CUBN: variants seen among roughly 807,000 people sequenced by gnomAD.
CUBN encodes cubilin.
CUBN carries 282 observed loss-of-function variants against 405.3 expected under a neutral mutation model. The observed-to-expected ratio is 0.70, with a 90% CI of 0.63 to 0.77. The LOEUF is 0.77. CUBN is among the 30% of genes least tolerant of loss of function. CUBN has a pLI of 0.00. For missense variants in CUBN, 4,514 were observed against 4,475.2 expected, an observed-to-expected ratio of 1.01 and a Z score of -0.25; for synonymous variants, 1,684 against 1,617.0, an observed-to-expected ratio of 1.04 and a Z score of -0.99.
In CUBN at chr10:16,869,824, G is replaced by T. The variant is rs1484603511; in HGVS notation, c.9266C>A (p.Thr3089Asn). ...TGCCAGGTAGTCATGGGAGCAGGAG[G>T]TGGAGGGAACCACATCAAAATCACT... ...KFSDFDVVPSTSCSHDYLAIY... is the reference protein window; with the variant it reads ...KFSDFDVVPSNSCSHDYLAIY... The change falls in exon 59 of 67, where the codon ACC becomes AAC. Residue 3089 changes from threonine to asparagine, a missense_variant. By Grantham distance (65) the Thr-to-Asn change is moderately conservative. Around this residue, in one of 5 missense-constraint regions of CUBN, gnomAD observed 1,186 missense variants for 1,186.9 expected, o/e 1.00. Transcript: ENST00000377833. 2 of 1,613,700 alleles carry T rather than the reference G, an allele frequency of 1.2e-6. No individual in the cohort carries two copies. The highest frequency in any genetic ancestry group is 2.7e-5 in the African/African-American group (2 of 74,910).
At chr10:16,967,822 G>GGA (rs201131222) in intron 31 of CUBN, among the ~76,000 whole-genome samples, 13,361 of 137,188 alleles carry the variant, frequency 0.097, 885 homozygotes, top group African/African-American at 0.18. Flanking sequence ...AGAGACAGAG[G>GGA]GAGAGAGAGA....
In CUBN at chr10:16,982,541, A is replaced by G. The variant is rs1455799169; in HGVS notation, c.4638T>C (p.His1546=). ...AGTCAGTGAAGTTCAAGAGAACACG[A>G]TGATTTCTGTCAACCCGAATGACCC... ...CSWVIRVDRN[H]RVLLNFTDFD... The change falls in exon 31 of 67, where the codon CAT becomes CAC. Residue 1546 remains histidine (H), a synonymous_variant. Transcript: ENST00000377833. 6.2e-7 allele frequency: 1 copy of G among 1,613,940 alleles called. No individual in the cohort carries two copies. Among genetic ancestry groups the G allele is most frequent in the Non-Finnish European group, 8.5e-7 (1 of 1,179,830 alleles).
At chr10:16,891,910 T>C (rs1841024952) in intron 54 of CUBN, among the ~76,000 whole-genome samples, 1 of 152,118 alleles carries the variant, frequency 6.6e-6, no homozygotes, top group Non-Finnish European at 1.5e-5. Context: ...CAATATGCCC[T>C]TTCTATCAAC....
chr10:17,095,894 A>T (rs1907363), intron 14 of CUBN, among the ~76,000 whole-genome samples: 132,995 of 152,064 alleles, frequency 0.87, 58,299 homozygotes, highest in Middle Eastern at 0.95. Flanking sequence ...ATAAAGAAAA[A>T]GTGCAATATA....
At chr10:16,874,295 C>G (rs1481323946) in intron 58 of CUBN, 79 bp downstream of exon 58, 1 of 1,422,760 alleles carries the variant, frequency 7.0e-7, no homozygotes, top group African/African-American at 1.4e-5. Context: ...GAATCAGTGC[C>G]CTCCATCAAT....
intron 28 of CUBN, among the ~76,000 whole-genome samples, chr10:16,997,428 C>T (rs184193226): frequency 0.026 from 3,026 of 118,100 alleles, 108 homozygotes; most frequent in East Asian, 0.2. Flanking sequence ...AGTGAGACTC[C>T]ATCTAAAAAA....
Position 17,045,108 on chromosome 10 carries a change from A to G in CUBN, c.3571T>C (p.Cys1191Arg). 1 of 1,614,056 alleles carries G rather than the reference A, an allele frequency of 6.2e-7. No homozygotes were observed. Among genetic ancestry groups the G allele is most frequent in the Non-Finnish European group, 8.5e-7 (1 of 1,179,988 alleles). The change falls in exon 25 of 67, where the codon TGC (cysteine) becomes CGC (arginine). Residue 1191 changes from cysteine to arginine, a missense_variant. Physicochemically the swap from Cys to Arg is radical, Grantham distance 180. This residue lies in a region of CUBN where 242 missense variants were observed against 309.0 expected (regional missense o/e 0.78). Coordinates refer to ENST00000377833, the MANE Select transcript of CUBN (RefSeq NM_001081.4). Reference protein sequence around the residue: ...YPMPYYHSSECYWWLKSSHGS... With the variant: ...YPMPYYHSSERYWWLKSSHGS... Reference sequence around the variant, plus strand: ...TGGCTAGATTTCAACCACCAGTAGCATTCAGAGCTGTGGTAATAGGGCATC... The same window carrying G: ...TGGCTAGATTTCAACCACCAGTAGCGTTCAGAGCTGTGGTAATAGGGCATC...
chr10:17,047,645 TTGA>T, intron 22 of CUBN, 42 bp from the exon 23 acceptor site: 1 of 1,542,396 alleles, frequency 6.5e-7, no homozygotes, highest in South Asian at 1.1e-5. Flanking sequence ...ATAGAAAATA[TTGA>T]TATGTTTATA....
chr10:16,832,031 C>A (rs963322148), intron 64 of CUBN, among the ~76,000 whole-genome samples: 2 of 152,118 alleles, frequency 1.3e-5, no homozygotes, highest in African/African-American at 2.4e-5. Flanking sequence ...ATTCCGAGGC[C>A]TTGTTGCTTT....
At chr10:16,832,933 G>T (rs1839052748) in intron 64 of CUBN, among the ~76,000 whole-genome samples, 1 of 152,190 alleles carries the variant, frequency 6.6e-6, no homozygotes, top group Non-Finnish European at 1.5e-5. Context: ...CTGAGAGCCA[G>T]ATGGAGCTAC....
chr10:16,918,324 C>T (rs1018205886), intron 45 of CUBN, among the ~76,000 whole-genome samples: 1 of 152,052 alleles, frequency 6.6e-6, no homozygotes, highest in Admixed American at 6.6e-5. Context: ...TCTAGTTCTG[C>T]AAAGAATGTC....
At chr10:17,090,164 G>C (rs1474317977) in intron 14 of CUBN, among the ~76,000 whole-genome samples, 1 of 152,086 alleles carries the variant, frequency 6.6e-6, no homozygotes, top group Non-Finnish European at 1.5e-5. Context: ...AGTATTGATT[G>C]AACAGAAAAT....
chr10:17,067,893 T>G (rs1835647754), intron 21 of CUBN, among the ~76,000 whole-genome samples, 171 bp downstream of exon 21: 2 of 37,888 alleles, frequency 5.3e-5, no homozygotes, highest in Admixed American at 5.0e-4. Flanking sequence ...ATGTCAAAAC[T>G]TAATGCCTAC....
rs1838723544 is a variant in CUBN at position 16,824,764 on chromosome 10, C to T, written c.*211G>A. 3.9e-6 allele frequency: 2 copies of T among 513,606 alleles called. No homozygotes were observed. Among genetic ancestry groups the T allele is most frequent in the East Asian group, 4.1e-5 (1 of 24,278 alleles). The allele number at this position is 513,606 out of a possible 1,614,324, so 31.8% of individuals were successfully genotyped here. ...CAAACTCCTGACCTCAGGTGATCAA[C>T]CTGCCTCGGCCTCCCAAAGTGCTGA... On this transcript the variant is annotated 3_prime_UTR_variant, in exon 67 of 67. Coordinates refer to ENST00000377833, the MANE Select transcript of CUBN (RefSeq NM_001081.4).
In CUBN at chr10:16,938,962, C is replaced by A. The variant is rs1842587266; in HGVS notation, c.5733+1G>T. ...AACATTGATTGCATGTGGAAACTCA[C>A]CCTTAATTTGTCATAATAGCAGTTT... On this transcript the variant is annotated splice_donor_variant, in intron 38 of 66. Coordinates refer to ENST00000377833, the MANE Select transcript of CUBN (RefSeq NM_001081.4). LOFTEE classifies it high-confidence loss of function. The A allele has an allele frequency of 5.0e-6, 8 of 1,611,532 alleles. No individual in the cohort carries two copies. The highest frequency in any genetic ancestry group is 2.2e-5 in the East Asian group (1 of 44,838).
intron 3 of CUBN, among the ~76,000 whole-genome samples, chr10:17,127,188 CTCTT>C (rs10550609): frequency 0.13 from 19,779 of 149,594 alleles, 846 homozygotes; most frequent in African/African-American, 0.15. Context: ...TTCTCTCTCT[CTCTT>C]TCTTTCACTC....
chr10:17,107,188 AAT>A (rs1356332166), intron 10 of CUBN, among the ~76,000 whole-genome samples: 1 of 152,244 alleles, frequency 6.6e-6, no homozygotes, highest in African/African-American at 2.4e-5. Flanking sequence ...TTTCTTACGC[AAT>A]GTTAGGTTAA....
Position 17,051,723 on chromosome 10 carries a change from T to C in CUBN, c.3140-4120A>G, listed in dbSNP as rs531074657. 3.3e-5 allele frequency among the ~76,000 whole-genome samples: 5 copies of C among 151,968 alleles called. No homozygotes were observed. In the South Asian group the frequency reaches 1.0e-3, roughly 32 times the overall value. ...AAAAAAAGGTCAGTAAACTTTAATA[T>C]GTATTAATAGACATAATTTAATCTA... On this transcript the variant is annotated intron_variant, in intron 22 of 66. Coordinates refer to ENST00000377833, the MANE Select transcript of CUBN (RefSeq NM_001081.4).
At chr10:17,034,961 C>T (rs996061948) in intron 27 of CUBN, among the ~76,000 whole-genome samples, 1 of 151,874 alleles carries the variant, frequency 6.6e-6, no homozygotes, top group African/African-American at 2.4e-5. Flanking sequence ...ATGGAAGTCA[C>T]CAAGACAATA....
Sources: gnomAD v4.1 joint callset for allele counts (sites outside exome capture counted in the v4.1 genomes callset) on GRCh38, gnomAD v4.1.1 for gene constraint, gnomAD v4.1.1 regional missense constraint, MANE v1.5 for transcripts, NCBI Gene and HGNC (gene_info 2026-07-23, HGNC 2026-07-21) for gene names.